Variants in EVI2B observed in about 807,000 individuals in gnomAD.
The protein encoded by EVI2B is ecotropic viral integration site 2B.
A neutral mutation model predicts 6.6 loss-of-function variants in EVI2B; 4 were observed. The ratio of observed to expected loss-of-function variants is 0.61; its 90% CI spans 0.30 to 1.39. The LOEUF is 1.39. Ranked by LOEUF, EVI2B falls within the 40% of genes most tolerant of loss-of-function variation. The pLI is 0.08. For synonymous variants in EVI2B, 181 were observed against 186.8 expected (o/e 0.97, Z 0.25); for missense variants, 484 against 516.6 (o/e 0.94, Z 0.61).
At position 31,304,931 on chromosome 17, in the gene EVI2B, A is replaced by T. The variant is rs553993530; in HGVS notation, c.679T>A (p.Cys227Ser). 6.0e-5 allele frequency: 97 copies of T among 1,614,144 alleles called. No individual in the cohort carries two copies. In the East Asian group the frequency reaches 2.0e-3, roughly 33 times the overall value. Residue 227 changes from cysteine to serine, a missense_variant, in exon 2 of 2, where the codon TGC becomes AGC. By Grantham distance (112) the Cys-to-Ser change is moderately radical. Transcript: ENST00000330927. ...TCATTTAAAACTGGTTTCCTTAAGC[A>T]TTTCCAAAGTACAATGATGATTATA... ...VAIIIIVLWKCLRKPVLNDQN... is the reference protein window; with the variant it reads ...VAIIIIVLWKSLRKPVLNDQN...
chr17:31,308,984 A>G (rs1482656350), intron 1 of EVI2B, among the ~76,000 whole-genome samples: 3 of 152,214 alleles, frequency 2.0e-5, no homozygotes, highest in Non-Finnish European at 2.9e-5. Flanking sequence ...AGAGCATATT[A>G]TGTGTTGTAC....
chr17:31,311,477 G>A (rs2068874221), intron 1 of EVI2B, among the ~76,000 whole-genome samples: 1 of 152,110 alleles, frequency 6.6e-6, no homozygotes, highest in Admixed American at 6.6e-5. Flanking sequence ...TTTAGCAGTA[G>A]TATTATCTCT....
chr17:31,307,885 A>C (rs1428994261), intron 1 of EVI2B: 17 of 1,289,094 alleles, frequency 1.3e-5, no homozygotes, highest in Non-Finnish European at 1.7e-5. Context: ...TTTACAAATT[A>C]CCTTTTCAGC....
intron 1 of EVI2B, among the ~76,000 whole-genome samples, chr17:31,308,686 A>C (rs765171304): frequency 1.3e-5 from 2 of 151,576 alleles, no homozygotes; most frequent in African/African-American, 2.4e-5. Context: ...TTCTGGCTGC[A>C]TATCTGAATC....
At chr17:31,309,480 C>T (rs1278279777) in intron 1 of EVI2B, among the ~76,000 whole-genome samples, 1 of 152,150 alleles carries the variant, frequency 6.6e-6, no homozygotes, top group African/African-American at 2.4e-5. Context: ...CCATGCAGTT[C>T]CTACCCATTA....
At chr17:31,313,136 T>C (rs2068924060) in intron 1 of EVI2B, among the ~76,000 whole-genome samples, 1 of 152,132 alleles carries the variant, frequency 6.6e-6, no homozygotes, top group African/African-American at 2.4e-5. Context: ...TGTATAATAA[T>C]AATAGTCAAA....
intron 1 of EVI2B, among the ~76,000 whole-genome samples, chr17:31,313,217 G>C (rs2068926610): frequency 1.3e-5 from 2 of 152,004 alleles, no homozygotes; most frequent in South Asian, 4.1e-4. Flanking sequence ...AACTAAAGGG[G>C]ATACAAAAAT....
chr17:31,312,442 C>T (rs1347735695), intron 1 of EVI2B, among the ~76,000 whole-genome samples: 6 of 148,788 alleles, frequency 4.0e-5, no homozygotes, highest in Non-Finnish European at 3.0e-5. Flanking sequence ...CCCTGGGAGG[C>T]GGAGGTTGCA....
chr17:31,309,756 T>G (rs1404140338), intron 1 of EVI2B, among the ~76,000 whole-genome samples: 1 of 152,206 alleles, frequency 6.6e-6, no homozygotes, highest in Non-Finnish European at 1.5e-5. Flanking sequence ...GGTTAGTTTG[T>G]AAGATCAATT....
chr17:31,305,488 A>G lies in EVI2B; in HGVS notation c.122T>C (p.Met41Thr). The change falls in exon 2 of 2, where the codon ATG becomes ACG. Residue 41 changes from methionine to threonine, a missense_variant. Transcript: ENST00000330927. ...QSQPTLFTSS[M>T]SQVLANSQNT... ...TTGAGAATTAGCCAATACCTGTGACATTGATGATGTGAATAAGGTAGGCTG... is the reference window on the plus strand; with the variant it reads ...TTGAGAATTAGCCAATACCTGTGACGTTGATGATGTGAATAAGGTAGGCTG... 2 of 1,614,208 alleles carry G rather than the reference A, an allele frequency of 1.2e-6. No homozygotes were observed. Among genetic ancestry groups the G allele is most frequent in the Non-Finnish European group, 1.7e-6 (2 of 1,180,044 alleles).
intron 1 of EVI2B, among the ~76,000 whole-genome samples, chr17:31,306,753 T>C (rs2068732117): frequency 6.6e-6 from 1 of 151,664 alleles, no homozygotes; most frequent in Non-Finnish European, 1.5e-5. Flanking sequence ...CATCTATTGG[T>C]AAATGCCACA....
Position 31,304,442 on chromosome 17 carries a change from C to T in EVI2B, c.1168G>A (p.Glu390Lys), listed in dbSNP as rs375227276. 5 of 1,613,982 alleles carry T rather than the reference C, an allele frequency of 3.1e-6. No individual in the cohort carries two copies. In the African/African-American group the frequency reaches 6.7e-5, roughly 22 times the overall value. The change falls in exon 2 of 2, where the codon GAG (glutamate) becomes AAG (lysine). Residue 390 changes from glutamate to lysine, a missense_variant. Physicochemically the swap from Glu to Lys is moderately conservative, Grantham distance 56 (BLOSUM62 1). Transcript: ENST00000330927. ...AGCGGTGGAAATGATTGTATTATCT[C>T]AGATTTATGATCTCCACAGTCTTGA... Reference protein sequence around the residue: ...LNQDCGDHKSEIIQSFPPLDS... With the variant: ...LNQDCGDHKSKIIQSFPPLDS...
In EVI2B at chr17:31,305,285, G is replaced by A; in HGVS notation, c.325C>T (p.Pro109Ser). ...GQPLAYNTKQ[P>S]TPIANTSSQQ... ...GAGGAGGTGTTGGCTATTGGTGTTG[G>A]TTGTTTGGTGTTGTAGGCAAGTGGT... The change falls in exon 2 of 2, where the codon CCA becomes TCA. Residue 109 changes from proline (P) to serine (S), a missense_variant. Pro to Ser is a moderately conservative substitution (Grantham distance 74). Transcript: ENST00000330927. The A allele has an allele frequency of 6.2e-7, 1 of 1,614,132 alleles. No individual in the cohort carries two copies. The highest frequency in any genetic ancestry group is 8.5e-7 in the Non-Finnish European group (1 of 1,180,034).
At chr17:31,307,326 A>T (rs891449618) in intron 1 of EVI2B, among the ~76,000 whole-genome samples, 1 of 152,198 alleles carries the variant, frequency 6.6e-6, no homozygotes, top group Non-Finnish European at 1.5e-5. Flanking sequence ...GCCCAATTAC[A>T]ATAATTTGAT....
chr17:31,307,088 T>G (rs1194111355), intron 1 of EVI2B, among the ~76,000 whole-genome samples: 1 of 152,042 alleles, frequency 6.6e-6, no homozygotes, highest in African/African-American at 2.4e-5. Flanking sequence ...AGTGGCACAA[T>G]CTGGGCTCAC....
intron 1 of EVI2B, among the ~76,000 whole-genome samples, chr17:31,312,326 A>C (rs1362535245): frequency 1.3e-5 from 2 of 152,078 alleles, no homozygotes; most frequent in Non-Finnish European, 2.9e-5. Flanking sequence ...CCTGACCAAC[A>C]TGGTGAAACC....
chr17:31,306,563 T>C (rs2068726310), intron 1 of EVI2B, among the ~76,000 whole-genome samples: 1 of 152,176 alleles, frequency 6.6e-6, no homozygotes, highest in African/African-American at 2.4e-5. Flanking sequence ...ACAGAGTCTA[T>C]TAGTAATCTT....
intron 1 of EVI2B, among the ~76,000 whole-genome samples, chr17:31,311,453 A>G (rs1238185443): frequency 6.6e-6 from 1 of 152,214 alleles, no homozygotes; most frequent in Non-Finnish European, 1.5e-5. Flanking sequence ...TGATGCAAAT[A>G]TAATAGATTA....
intron 1 of EVI2B, among the ~76,000 whole-genome samples, chr17:31,306,732 C>G (rs938697720): frequency 6.6e-6 from 1 of 151,626 alleles, no homozygotes; most frequent in Non-Finnish European, 1.5e-5. Flanking sequence ...AGTCCTGCTG[C>G]TGCTTTCATT....
Sources: allele counts gnomAD v4.1 joint callset (sites outside exome capture counted in the v4.1 genomes callset), GRCh38; gene constraint gnomAD v4.1.1; transcripts MANE v1.5; gene names NCBI Gene and HGNC (gene_info 2026-07-23, HGNC 2026-07-21).